The following RNF214 variants were observed in gnomAD, a reference collection of about 807,000 sequenced individuals.
RNF214 encodes the protein ring finger protein 214.
In RNF214, 25 loss-of-function variants were observed where a neutral mutation model predicts 75.9. That is an observed-to-expected ratio of 0.33 (90% CI 0.24 to 0.46). The LOEUF (loss-of-function observed/expected upper bound fraction) is 0.46, where lower values mean the gene tolerates loss of function less well. RNF214 is among the 20% of genes least tolerant of loss of function. RNF214 has a pLI of 1.00. For synonymous variants in RNF214, 314 were observed against 308.8 expected (o/e 1.02, Z -0.18); for missense variants, 725 against 857.5 (o/e 0.85, Z 1.93).
intron 2 of RNF214, 108 bp from the exon 3 acceptor site, chr11:117,238,489 CTAAG>C (rs2032973950): frequency 1.1e-6 from 1 of 924,692 alleles, no homozygotes; most frequent in Non-Finnish European, 1.6e-6. Context: ...TGGATTGAAA[CTAAG>C]TTCTTTCATT....
rs188990882 is a variant in RNF214 at position 117,246,635 on chromosome 11, T to C, written c.820-174T>C. 3.9e-5 allele frequency among the ~76,000 whole-genome samples: 6 copies of C among 152,374 alleles called. No homozygotes were observed. In the South Asian group the frequency reaches 1.2e-3, roughly 32 times the overall value. On this transcript the variant is annotated intron_variant, in intron 5 of 14. Transcript: ENST00000300650. ...AATCTGCATTACTATAACTTTCTCC[T>C]TTAGGTCTGAATACTGGCTTTTGGA...
At chr11:117,266,565 G>A (rs891617906) in intron 6 of RNF214, among the ~76,000 whole-genome samples, 5 of 151,990 alleles carry the variant, frequency 3.3e-5, no homozygotes, top group East Asian at 1.9e-4. Context: ...TTGCCATGTC[G>A]CCCAGGCTGG....
In RNF214 at chr11:117,286,288, A is replaced by G. The variant is rs1325932089; in HGVS notation, c.*1137A>G. 6.6e-6 allele frequency: 1 copy of G among 152,322 alleles called. No homozygotes were observed. Among genetic ancestry groups the G allele is most frequent in the Non-Finnish European group, 1.5e-5 (1 of 68,040 alleles). 9.4% of individuals were successfully genotyped at this position (152,322 alleles called of 1,614,324 possible). ...GCTCTGTGGGTAGCTATCAGGAACT[A>G]GATCATTTTCCACCTCTGCTTATTG... On this transcript the variant is annotated 3_prime_UTR_variant, in exon 15 of 15. Coordinates refer to ENST00000300650, the MANE Select transcript of RNF214 (RefSeq NM_207343.4).
intron 6 of RNF214, among the ~76,000 whole-genome samples, chr11:117,250,363 G>A (rs1048595842): frequency 3.3e-5 from 5 of 152,170 alleles, no homozygotes; most frequent in African/African-American, 1.2e-4. Context: ...TACTGTGTCA[G>A]TGTTATGTAT....
chr11:117,264,716 G>A (rs1399686032), intron 6 of RNF214, among the ~76,000 whole-genome samples: 1 of 152,020 alleles, frequency 6.6e-6, no homozygotes, highest in Non-Finnish European at 1.5e-5. Context: ...CATGGTATAT[G>A]TTTTTCAATC....
chr11:117,260,513 A>G (rs960993737), intron 6 of RNF214, among the ~76,000 whole-genome samples: 2 of 152,068 alleles, frequency 1.3e-5, no homozygotes, highest in African/African-American at 4.8e-5. Flanking sequence ...TCTATATACT[A>G]CATTACACTG....
At chr11:117,266,261 CCA>C (rs2033794041) in intron 6 of RNF214, among the ~76,000 whole-genome samples, 1 of 152,120 alleles carries the variant, frequency 6.6e-6, no homozygotes, top group Non-Finnish European at 1.5e-5. Flanking sequence ...TTTGATTTGC[CCA>C]CATGCTGTTT....
chr11:117,273,785 G>A (rs897979289), intron 6 of RNF214, among the ~76,000 whole-genome samples: 1 of 152,112 alleles, frequency 6.6e-6, no homozygotes, highest in African/African-American at 2.4e-5. Context: ...TGGGATACGG[G>A]GGATGAAATC....
chr11:117,235,487 C>T (rs1455106894), intron 2 of RNF214, among the ~76,000 whole-genome samples: 2 of 148,612 alleles, frequency 1.3e-5, no homozygotes, highest in African/African-American at 2.5e-5. Flanking sequence ...TGAGTCACCA[C>T]GCCCAGCCTT....
At chr11:117,276,233 C>A (rs765139628) in intron 6 of RNF214, among the ~76,000 whole-genome samples, 2 of 152,082 alleles carry the variant, frequency 1.3e-5, no homozygotes, top group Non-Finnish European at 2.9e-5. Flanking sequence ...AAGGAACATA[C>A]CTCAAAATAA....
At chr11:117,246,399 A>G (rs1307858163) in intron 5 of RNF214, among the ~76,000 whole-genome samples, 1 of 152,230 alleles carries the variant, frequency 6.6e-6, no homozygotes, top group Non-Finnish European at 1.5e-5. Flanking sequence ...ATACATAATA[A>G]AGTAGAATCA....
chr11:117,264,294 G>A (rs923620947), intron 6 of RNF214, among the ~76,000 whole-genome samples: 7 of 152,134 alleles, frequency 4.6e-5, no homozygotes, highest in African/African-American at 1.7e-4. Context: ...CTGCACTCCA[G>A]CCTGGGTGAC....
At chr11:117,253,950 G>A (rs1304832996) in intron 6 of RNF214, among the ~76,000 whole-genome samples, 1 of 151,846 alleles carries the variant, frequency 6.6e-6, no homozygotes, top group Non-Finnish European at 1.5e-5. Flanking sequence ...ATCACTCTGG[G>A]TGTAATATAA....
At position 117,282,442 on chromosome 11, in the gene RNF214, C is replaced by T; in HGVS notation, c.1751C>T (p.Ala584Val). The change falls in exon 12 of 15, where the codon GCA becomes GTA. Residue 584 changes from alanine to valine, a missense_variant. Coordinates refer to ENST00000300650, the MANE Select transcript of RNF214 (RefSeq NM_207343.4). ...MTNILQQIKT[A>V]RTTMAGLTME... ...AACATTCTTCAGCAGATCAAGACAG[C>T]ACGTACCACCATGGCAGGCCTGACC... 6.2e-7 allele frequency: 1 copy of T among 1,614,186 alleles called. No homozygotes were observed. Among genetic ancestry groups the T allele is most frequent in the Non-Finnish European group, 8.5e-7 (1 of 1,180,026 alleles).
chr11:117,278,260 C>T (rs1193589032), intron 6 of RNF214, among the ~76,000 whole-genome samples: 1 of 152,146 alleles, frequency 6.6e-6, no homozygotes, highest in African/African-American at 2.4e-5. Flanking sequence ...GCCAAGATCA[C>T]GCCATTGCAC....
At chr11:117,284,323 G>A (rs1179250351) in intron 14 of RNF214, among the ~76,000 whole-genome samples, 1 of 152,200 alleles carries the variant, frequency 6.6e-6, no homozygotes, top group South Asian at 2.1e-4. Context: ...GCAGAGTTAA[G>A]TCTCTTAGTA....
intron 6 of RNF214, among the ~76,000 whole-genome samples, chr11:117,253,328 A>G (rs1467445578): frequency 6.6e-6 from 1 of 152,240 alleles, no homozygotes; most frequent in Non-Finnish European, 1.5e-5. Context: ...AACTGAATTT[A>G]CCAAAGTGTA....
chr11:117,248,106 T>C (rs945248447), intron 6 of RNF214, among the ~76,000 whole-genome samples: 1 of 152,100 alleles, frequency 6.6e-6, no homozygotes, highest in African/African-American at 2.4e-5. Flanking sequence ...GACGGAGTCT[T>C]GCTCTGTTCC....
Position 117,282,248 on chromosome 11 carries a change from A to T in RNF214, c.1690A>T (p.Thr564Ser). The T allele has an allele frequency of 1.3e-6, 2 of 1,599,868 alleles. No individual in the cohort carries two copies. Among genetic ancestry groups the T allele is most frequent in the Non-Finnish European group, 1.7e-6 (2 of 1,172,532 alleles). ...GGAGAAGATCCTGGAGAAGCTGCTG[A>T]CCCGGTTCCCACAGTGCAATAAGTA... ...KLEKILEKLL[T>S]RFPQCNKAQM... The change falls in exon 11 of 15, where the codon ACC (threonine) becomes TCC (serine). Residue 564 changes from threonine to serine, a missense_variant. Around this residue, in one of 2 missense-constraint regions of RNF214, gnomAD observed 363 missense variants for 513.0 expected, o/e 0.71. Coordinates refer to ENST00000300650, the MANE Select transcript of RNF214 (RefSeq NM_207343.4).
Sources: allele counts gnomAD v4.1 joint callset (sites outside exome capture counted in the v4.1 genomes callset), GRCh38; gene constraint gnomAD v4.1.1; regional missense constraint gnomAD v4.1.1; transcripts MANE v1.5; gene names NCBI Gene and HGNC (gene_info 2026-07-23, HGNC 2026-07-21).